HNMT: variants seen among roughly 807,000 people sequenced by gnomAD.
HNMT encodes histamine N-methyltransferase.
In HNMT, 30 loss-of-function variants were observed where a neutral mutation model predicts 32.1. The observed-to-expected ratio is 0.93, with a 90% CI of 0.70 to 1.27. HNMT has a LOEUF of 1.27. HNMT is among the 50% of genes most tolerant of loss of function. The pLI is 0.00. For synonymous variants in HNMT, 125 were observed against 119.0 expected, an observed-to-expected ratio of 1.05 and a Z score of -0.33; for missense variants, 327 against 346.0, an observed-to-expected ratio of 0.95 and a Z score of 0.43.
chr2:137,992,503 G>A lies in HNMT; in HGVS notation c.191-8415G>A, dbSNP rs552699445. ...TGACCCATCCTTCCTCATTGGGTGA[G>A]GCTTCCCCCACCAACTCCAGTAACA... On this transcript the variant is annotated intron_variant, in intron 2 of 5. Transcript: ENST00000280097. 5.9e-5 allele frequency among the ~76,000 whole-genome samples: 9 copies of A among 152,234 alleles called. No individual in the cohort carries two copies. The South Asian group carries it at 6.2e-4, about 11-fold the overall frequency.
chr2:137,975,041 T>C (rs1680245405), intron 2 of HNMT, among the ~76,000 whole-genome samples: 1 of 152,208 alleles, frequency 6.6e-6, no homozygotes, highest in African/African-American at 2.4e-5. Flanking sequence ...AACCCAGATC[T>C]CTTGACTTTA....
chr2:137,967,520 A>C (rs1398370155), intron 1 of HNMT: 1 of 165,380 alleles, frequency 6.0e-6, no homozygotes, highest in Non-Finnish European at 1.3e-5. Context: ...GAATCTTCTT[A>C]CGTCTAGTAT....
chr2:138,003,453 T>C (rs1055391077), intron 4 of HNMT, among the ~76,000 whole-genome samples: 4 of 152,106 alleles, frequency 2.6e-5, no homozygotes, highest in Non-Finnish European at 5.9e-5. Flanking sequence ...AAGAATAAAC[T>C]TACAAGAAGT....
intron 2 of HNMT, chr2:137,981,183 C>A (rs1341864062): frequency 6.2e-7 from 1 of 1,600,382 alleles, no homozygotes; most frequent in Admixed American, 1.7e-5. Flanking sequence ...GATATGGCCA[C>A]AGTCTTTAAT....
At chr2:137,966,963 G>A (rs1261228656) in intron 1 of HNMT, 1 of 682,574 alleles carries the variant, frequency 1.5e-6, no homozygotes, top group East Asian at 2.6e-5. Flanking sequence ...GAGTGAACGA[G>A]AGGTAAACTT....
chr2:137,977,394 A>C (rs1477316075), intron 2 of HNMT, among the ~76,000 whole-genome samples: 5 of 151,968 alleles, frequency 3.3e-5, no homozygotes, highest in Non-Finnish European at 7.4e-5. Context: ...CAGTCATGCA[A>C]CTCTGGTGTA....
At chr2:137,983,853 G>C (rs766782400) in intron 2 of HNMT, among the ~76,000 whole-genome samples, 1 of 152,204 alleles carries the variant, frequency 6.6e-6, no homozygotes, top group African/African-American at 2.4e-5. Flanking sequence ...CCTGCCCTTA[G>C]GCAGAAGAGT....
chr2:137,966,142 G>A (rs1010547391), intron 1 of HNMT, among the ~76,000 whole-genome samples: 2 of 152,186 alleles, frequency 1.3e-5, no homozygotes, highest in East Asian at 3.9e-4. Context: ...GATACTCTTT[G>A]TGTATGTTAG....
intron 2 of HNMT, among the ~76,000 whole-genome samples, chr2:137,974,399 C>G (rs1304396474): frequency 6.6e-6 from 1 of 152,048 alleles, no homozygotes. Flanking sequence ...TAAATTAAAC[C>G]TCTTGATGGG....
At chr2:137,998,884 T>C (rs1411312891) in intron 2 of HNMT, among the ~76,000 whole-genome samples, 1 of 152,192 alleles carries the variant, frequency 6.6e-6, no homozygotes, top group Non-Finnish European at 1.5e-5. Flanking sequence ...TAGGTTAATA[T>C]GAGGCAAGAA....
chr2:137,995,948 G>T (rs1397982845), intron 2 of HNMT, among the ~76,000 whole-genome samples: 2 of 152,084 alleles, frequency 1.3e-5, no homozygotes, highest in Non-Finnish European at 2.9e-5. Flanking sequence ...TGCAGAAAAG[G>T]CCTTTGATAA....
chr2:138,008,596 G>T (rs887563888), intron 5 of HNMT, among the ~76,000 whole-genome samples: 11 of 151,994 alleles, frequency 7.2e-5, no homozygotes, highest in African/African-American at 2.7e-4. Flanking sequence ...CAATGAAACA[G>T]AATAGAGAGA....
chr2:137,972,777 AAG>A (rs1253303039), intron 2 of HNMT, among the ~76,000 whole-genome samples: 2 of 152,164 alleles, frequency 1.3e-5, no homozygotes, highest in Non-Finnish European at 2.9e-5. Context: ...CTTGGACAAG[AAG>A]AGAAGGCCTA....
At chr2:137,987,601 CTTTTTTTT>C (rs5834598) in intron 2 of HNMT, among the ~76,000 whole-genome samples, 1 of 70,238 alleles carries the variant, frequency 1.4e-5, no homozygotes, top group Admixed American at 2.0e-4. Flanking sequence ...ACAATGGCCA[CTTTTTTTT>C]TTTTTTTTTT....
At chr2:137,967,794 C>G (rs1330452547) in intron 1 of HNMT, among the ~76,000 whole-genome samples, 1 of 152,154 alleles carries the variant, frequency 6.6e-6, no homozygotes, top group East Asian at 1.9e-4. Context: ...TTTTTAATTT[C>G]CAAGAATGTT....
At position 138,005,231 on chromosome 2, in the gene HNMT, T is replaced by A; in HGVS notation, c.523+6T>A. 4.1e-6 allele frequency: 6 copies of A among 1,477,146 alleles called. No individual in the cohort carries two copies. Among genetic ancestry groups the A allele is most frequent in the Non-Finnish European group, 5.7e-6 (6 of 1,056,656 alleles). The allele number at this position is 1,477,146 out of a possible 1,614,324, so 91.5% of individuals were successfully genotyped here. ...GCTCATTATTGTTGTGTCAGGTAAG[T>A]TATTTTCATTCAGCCTGAATTTTAA... On this transcript the variant is annotated splice_donor_region_variant and intron_variant, in intron 5 of 5. Transcript: ENST00000280097.
chr2:137,968,407 A>G (rs540210668), intron 1 of HNMT, among the ~76,000 whole-genome samples: 1 of 152,306 alleles, frequency 6.6e-6, no homozygotes, highest in East Asian at 1.9e-4. Flanking sequence ...AATAATTGCT[A>G]ATATATGTGG....
At chr2:138,010,975 G>A (rs1452119319) in intron 5 of HNMT, among the ~76,000 whole-genome samples, 1 of 151,980 alleles carries the variant, frequency 6.6e-6, no homozygotes, top group East Asian at 1.9e-4. Flanking sequence ...CCTGAGTAAG[G>A]AAGGAGGAAA....
At chr2:138,012,943 C>T (rs1302710596) in intron 5 of HNMT, among the ~76,000 whole-genome samples, 1 of 152,098 alleles carries the variant, frequency 6.6e-6, no homozygotes, top group Non-Finnish European at 1.5e-5. Flanking sequence ...TCGCTGTTCT[C>T]CCCACCTCTG....
Sources: gnomAD v4.1 joint callset for allele counts (sites outside exome capture counted in the v4.1 genomes callset) on GRCh38, gnomAD v4.1.1 for gene constraint, MANE v1.5 for transcripts, NCBI Gene and HGNC (gene_info 2026-07-23, HGNC 2026-07-21) for gene names.